The following CDH8 variants were observed in gnomAD, a reference collection of about 807,000 sequenced individuals.
The protein encoded by CDH8 is cadherin-8.
In CDH8, 17 loss-of-function variants were observed where a neutral mutation model predicts 68.1. The ratio of observed to expected loss-of-function variants is 0.25; its 90% CI spans 0.17 to 0.37. The LOEUF is 0.37. Among genes scored for constraint, CDH8 ranks in the 10% least tolerant of loss-of-function variants. CDH8 has a pLI of 1.00. For missense variants in CDH8, 763 were observed against 999.3 expected (o/e 0.76, Z 3.19); for synonymous variants, 372 against 365.1 (o/e 1.02, Z -0.21).
In CDH8 at chr16:61,721,789, T is replaced by C. The variant is rs77184254; in HGVS notation, c.1536+5305A>G. Reference sequence around the variant, plus strand: ...GACATCCTAGAAATTTCAGGGACTTTAGCACTTTTAAGAGCAGACTTTAAA... The same window carrying C: ...GACATCCTAGAAATTTCAGGGACTTCAGCACTTTTAAGAGCAGACTTTAAA... On this transcript the variant is annotated intron_variant, in intron 9 of 11. Transcript: ENST00000577390. Among the ~76,000 whole-genome samples, 436 of 150,962 alleles carry C rather than the reference T, an allele frequency of 2.9e-3. 1 individual carries two copies. Among genetic ancestry groups the C allele is most frequent in the Middle Eastern group, 6.8e-3 (2 of 294 alleles).
chr16:61,740,072 TA>T (rs1959823111), intron 8 of CDH8, among the ~76,000 whole-genome samples: 1 of 151,596 alleles, frequency 6.6e-6, no homozygotes, highest in Non-Finnish European at 1.5e-5. Flanking sequence ...CACGCCCGGC[TA>T]ATTTTTTGAA....
chr16:62,004,046 C>T (rs1484816153), intron 2 of CDH8, among the ~76,000 whole-genome samples: 2 of 152,130 alleles, frequency 1.3e-5, no homozygotes, highest in Admixed American at 6.5e-5. Context: ...GGTTATTGTA[C>T]AGATGTGTAA....
At chr16:61,849,140 G>A (rs1962884626) in intron 4 of CDH8, among the ~76,000 whole-genome samples, 1 of 152,022 alleles carries the variant, frequency 6.6e-6, no homozygotes, top group East Asian at 1.9e-4. Context: ...AGAAAGGCAA[G>A]TGTCTTTCTC....
At chr16:61,749,431 T>C (rs1960103958) in intron 8 of CDH8, among the ~76,000 whole-genome samples, 1 of 152,080 alleles carries the variant, frequency 6.6e-6, no homozygotes, top group South Asian at 2.1e-4. Context: ...CAGTAGAAAA[T>C]TGGACTTTTA....
At position 62,016,997 on chromosome 16, in the gene CDH8, G is replaced by A. The variant is rs555629528; in HGVS notation, c.252+4155C>T. The stretch of plus-strand genomic sequence containing the variant: ...ATAAAAAAAATTGTTAACTACCCAG[G>A]TGGTCTATAAAATACTCATATGAAA... On this transcript the variant is annotated intron_variant, in intron 2 of 11. Coordinates refer to ENST00000577390, the MANE Select transcript of CDH8 (RefSeq NM_001796.5). Among the ~76,000 whole-genome samples, 3 of 152,126 alleles carry A rather than the reference G, an allele frequency of 2.0e-5. No individual in the cohort carries two copies. In the East Asian group the frequency reaches 5.8e-4, roughly 29 times the overall value.
In CDH8 at chr16:61,736,112, A is replaced by AAAGAAAGAAAGGAAGGAAGG. The variant is rs776989465; in HGVS notation, c.1415-8898_1415-8897insCCTTCCTTCCTTTCTTTCTT. On this transcript the variant is annotated intron_variant, in intron 8 of 11. Coordinates refer to ENST00000577390, the MANE Select transcript of CDH8 (RefSeq NM_001796.5). ...ACAAGAAAGAAGGAAAGAAAGAAAG[A>AAAGAAAGAAAGGAAGGAAGG]AAGGAAGGAAGGAAGGAAGGAAGGA... Among the ~76,000 whole-genome samples, 209 of 116,524 alleles carry AAAGAAAGAAAGGAAGGAAGG rather than the reference A, an allele frequency of 1.8e-3. 1 individual carries two copies. The highest frequency in any genetic ancestry group is 8.0e-3 in the South Asian group (24 of 3,016). The allele number at this position is 116,524 out of a possible 152,430, so 76.4% of individuals were successfully genotyped here.
intron 2 of CDH8, among the ~76,000 whole-genome samples, chr16:61,905,428 T>C (rs1267583774): frequency 6.6e-6 from 1 of 151,944 alleles, no homozygotes; most frequent in African/African-American, 2.4e-5. Context: ...TAATATATTG[T>C]TAATATATGT....
At chr16:61,824,205 T>C (rs1962279397) in intron 5 of CDH8, among the ~76,000 whole-genome samples, 1 of 151,882 alleles carries the variant, frequency 6.6e-6, no homozygotes, top group African/African-American at 2.4e-5. Flanking sequence ...ATCTTACTTA[T>C]ATGTGGCATC....
intron 10 of CDH8, among the ~76,000 whole-genome samples, chr16:61,678,509 C>T (rs1190678885): frequency 2.0e-5 from 3 of 151,598 alleles, no homozygotes; most frequent in Non-Finnish European, 4.4e-5. Context: ...GTCCCTGACG[C>T]CCTAAAGCAC....
chr16:61,959,568 A>ATG (rs397786757), intron 2 of CDH8, among the ~76,000 whole-genome samples: 1 of 145,322 alleles, frequency 6.9e-6, no homozygotes, highest in South Asian at 2.2e-4. Context: ...GTATATATAT[A>ATG]TGTATGTATA....
intron 9 of CDH8, among the ~76,000 whole-genome samples, chr16:61,718,757 T>C (rs762891821): frequency 6.0e-5 from 9 of 151,250 alleles, no homozygotes; most frequent in Non-Finnish European, 1.0e-4. Flanking sequence ...ATTATTTACA[T>C]ATGCGCATTT....
At chr16:61,877,497 G>C (rs896090512) in intron 3 of CDH8, among the ~76,000 whole-genome samples, 5 of 152,046 alleles carry the variant, frequency 3.3e-5, no homozygotes, top group Non-Finnish European at 7.4e-5. Context: ...GTGTATATAT[G>C]GAGAGAAGCC....
intron 8 of CDH8, among the ~76,000 whole-genome samples, chr16:61,770,962 A>G (rs1960762131): frequency 6.6e-6 from 1 of 151,986 alleles, no homozygotes; most frequent in East Asian, 1.9e-4. Context: ...ATTAGACCTT[A>G]AAACTCTTTA....
At chr16:61,857,293 G>T (rs1963065499) in intron 3 of CDH8, 55 bp from the exon 4 acceptor site, 4 of 1,484,646 alleles carry the variant, frequency 2.7e-6, no homozygotes, top group African/African-American at 2.8e-5. Context: ...CCTTTGCCAA[G>T]AGCTACATTT....
At chr16:61,711,285 A>G (rs923366406) in intron 10 of CDH8, among the ~76,000 whole-genome samples, 1 of 151,786 alleles carries the variant, frequency 6.6e-6, no homozygotes, top group African/African-American at 2.4e-5. Context: ...ATTGAAATAT[A>G]TGGTGGCAAG....
At chr16:61,714,087 T>G (rs1964678496) in intron 9 of CDH8, 129 bp from the exon 10 acceptor site, 1 of 704,780 alleles carries the variant, frequency 1.4e-6, no homozygotes, top group Admixed American at 2.4e-5. Context: ...CTTTCTAAAT[T>G]GTCATGGATG....
chr16:61,853,237 A>T (rs1403654566), intron 4 of CDH8, among the ~76,000 whole-genome samples: 3 of 152,086 alleles, frequency 2.0e-5, no homozygotes, highest in East Asian at 3.9e-4. Flanking sequence ...AATTCCATGA[A>T]GTGAAATGTA....
intron 4 of CDH8, among the ~76,000 whole-genome samples, chr16:61,840,473 C>A (rs547696111): frequency 6.6e-6 from 1 of 152,260 alleles, no homozygotes; most frequent in South Asian, 2.1e-4. Context: ...TTGATGCTTA[C>A]CCAGCCCCTA....
chr16:61,853,301 T>C (rs1326032269), intron 4 of CDH8, among the ~76,000 whole-genome samples: 1 of 152,148 alleles, frequency 6.6e-6, no homozygotes, highest in Non-Finnish European at 1.5e-5. Flanking sequence ...GTTCTGTTTT[T>C]AGCATTCTTG....
Sources: gnomAD v4.1 joint callset for allele counts (sites outside exome capture counted in the v4.1 genomes callset) on GRCh38, gnomAD v4.1.1 for gene constraint, MANE v1.5 for transcripts, NCBI Gene and HGNC (gene_info 2026-07-23, HGNC 2026-07-21) for gene names.